Variants in BMPR1B observed in about 807,000 individuals in gnomAD.
The protein encoded by BMPR1B is bone morphogenetic protein receptor type-1B.
Under a neutral mutation model 59.1 loss-of-function variants are expected in BMPR1B, and 12 were observed. The observed-to-expected ratio is 0.20, with a 90% CI of 0.13 to 0.33. The LOEUF is 0.33. Among genes scored for constraint, BMPR1B ranks in the 10% least tolerant of loss-of-function variants. The pLI, the probability that BMPR1B is intolerant of heterozygous loss-of-function variation, is 1.00. For missense variants in BMPR1B, 550 were observed against 610.9 expected, an observed-to-expected ratio of 0.90 and a Z score of 1.05; for synonymous variants, 237 against 207.3, an observed-to-expected ratio of 1.14 and a Z score of -1.23.
At chr4:94,863,097 C>G (rs1254938454) in intron 1 of BMPR1B, among the ~76,000 whole-genome samples, 1 of 151,716 alleles carries the variant, frequency 6.6e-6, no homozygotes, top group Non-Finnish European at 1.5e-5. Flanking sequence ...GCCTGGGCAA[C>G]AAGAGTGAGA....
intron 11 of BMPR1B, among the ~76,000 whole-genome samples, chr4:95,149,996 T>C (rs1734925533): frequency 6.6e-6 from 1 of 152,226 alleles, no homozygotes; most frequent in African/African-American, 2.4e-5. Context: ...ATTAATACTT[T>C]TCATTTTGGT....
intron 3 of BMPR1B, among the ~76,000 whole-genome samples, chr4:95,025,124 G>C (rs1214406038): frequency 6.6e-6 from 1 of 152,026 alleles, no homozygotes; most frequent in Non-Finnish European, 1.5e-5. Context: ...AGTAAGTATA[G>C]GGACCGTGGA....
At chr4:95,109,155 A>G (rs937038639) in intron 4 of BMPR1B, among the ~76,000 whole-genome samples, 1 of 152,082 alleles carries the variant, frequency 6.6e-6, no homozygotes, top group Non-Finnish European at 1.5e-5. Context: ...TTAAAAAATT[A>G]TTTTTGACTA....
chr4:95,026,891 G>A (rs1232620831), intron 3 of BMPR1B, among the ~76,000 whole-genome samples: 1 of 151,688 alleles, frequency 6.6e-6, no homozygotes, highest in Non-Finnish European at 1.5e-5. Context: ...CTCCCAAGTA[G>A]CTGGGACTAA....
chr4:95,042,761 C>T (rs940460616), intron 3 of BMPR1B, among the ~76,000 whole-genome samples: 1 of 152,192 alleles, frequency 6.6e-6, no homozygotes, highest in African/African-American at 2.4e-5. Context: ...CTACACTCGC[C>T]TTGCCTGAGT....
At chr4:95,099,607 C>T (rs1259778830) in intron 3 of BMPR1B, among the ~76,000 whole-genome samples, 2 of 152,026 alleles carry the variant, frequency 1.3e-5, no homozygotes, top group Non-Finnish European at 2.9e-5. Flanking sequence ...CGCGCGCACA[C>T]GCACACACAC....
chr4:94,886,126 G>C (rs190717243), intron 2 of BMPR1B, among the ~76,000 whole-genome samples: 66 of 152,144 alleles, frequency 4.3e-4, no homozygotes, highest in African/African-American at 1.4e-3. Context: ...TTTAAAAATG[G>C]TTAAAAATAA....
intron 3 of BMPR1B, among the ~76,000 whole-genome samples, chr4:95,066,604 T>C (rs1362721842): frequency 6.6e-6 from 1 of 152,208 alleles, no homozygotes; most frequent in Non-Finnish European, 1.5e-5. Context: ...AAATATGCAG[T>C]GCCAGAAGCT....
intron 2 of BMPR1B, among the ~76,000 whole-genome samples, chr4:94,881,758 C>T (rs1205427603): frequency 6.6e-6 from 1 of 152,204 alleles, no homozygotes; most frequent in African/African-American, 2.4e-5. Context: ...AGCCACTGCA[C>T]CTGGCCTAAT....
chr4:95,143,546 G>A (rs1734409550), intron 10 of BMPR1B, among the ~76,000 whole-genome samples: 1 of 152,172 alleles, frequency 6.6e-6, no homozygotes, highest in Admixed American at 6.5e-5. Flanking sequence ...CCCTGGGGTA[G>A]AAGAGCCACT....
intron 1 of BMPR1B, among the ~76,000 whole-genome samples, chr4:94,811,742 A>C (rs530831783): frequency 6.6e-6 from 1 of 152,256 alleles, no homozygotes; most frequent in Non-Finnish European, 1.5e-5. Context: ...TTTGAATCCA[A>C]ATATTTTCTC....
chr4:95,009,337 T>C (rs547579628), intron 3 of BMPR1B, among the ~76,000 whole-genome samples: 6 of 152,278 alleles, frequency 3.9e-5, no homozygotes, highest in African/African-American at 1.4e-4. Context: ...AGTAGTAGTA[T>C]ACATAGTAGG....
chr4:94,880,817 G>T (rs1726934701), intron 2 of BMPR1B, among the ~76,000 whole-genome samples: 2 of 151,772 alleles, frequency 1.3e-5, no homozygotes, highest in Non-Finnish European at 2.9e-5. Flanking sequence ...TATATTTTTA[G>T]TAGAGACGGG....
intron 1 of BMPR1B, among the ~76,000 whole-genome samples, chr4:94,816,478 A>G (rs1724015837): frequency 1.3e-5 from 2 of 152,044 alleles, no homozygotes; most frequent in African/African-American, 4.8e-5. Flanking sequence ...GCTAGTATTT[A>G]TATGATTTAA....
intron 2 of BMPR1B, among the ~76,000 whole-genome samples, chr4:94,958,055 T>C (rs1456312779): frequency 6.6e-6 from 1 of 152,218 alleles, no homozygotes; most frequent in East Asian, 1.9e-4. Context: ...TTTATCAGCA[T>C]TCTACTGAGA....
chr4:94,779,963 C>A (rs1578634268), intron 1 of BMPR1B, among the ~76,000 whole-genome samples: 1 of 152,140 alleles, frequency 6.6e-6, no homozygotes, highest in South Asian at 2.1e-4. Context: ...AGTTCCCCCC[C>A]TTCCCTTAAT....
At chr4:94,902,065 G>GTGTGTGTGTGTGTT (rs1303313669) in intron 2 of BMPR1B, among the ~76,000 whole-genome samples, 9 of 148,314 alleles carry the variant, frequency 6.1e-5, no homozygotes, top group African/African-American at 1.5e-4. Context: ...GTGTGTGTGT[G>GTGTGTGTGTGTGTT]TGTGTGTGTG....
intron 3 of BMPR1B, among the ~76,000 whole-genome samples, chr4:95,061,810 G>T (rs1181627289): frequency 6.6e-6 from 1 of 152,150 alleles, no homozygotes; most frequent in African/African-American, 2.4e-5. Context: ...GTTTGGATTT[G>T]TGTCCCCACC....
chr4:94,874,866 G>A (rs559445851), intron 1 of BMPR1B, among the ~76,000 whole-genome samples: 14 of 152,102 alleles, frequency 9.2e-5, no homozygotes, highest in South Asian at 8.3e-4. Context: ...GGTGGCAGAC[G>A]CCTGTAGTCC....
Sources: allele counts gnomAD v4.1 joint callset (sites outside exome capture counted in the v4.1 genomes callset), GRCh38; gene constraint gnomAD v4.1.1; transcripts MANE v1.5; gene names NCBI Gene and HGNC (gene_info 2026-07-23, HGNC 2026-07-21).